The following ISM1 variants were observed in gnomAD, a reference collection of about 807,000 sequenced individuals.
ISM1 encodes isthmin 1.
In ISM1, 25 loss-of-function variants were observed where a neutral mutation model predicts 46.3. That is an observed-to-expected ratio of 0.54 (90% confidence interval 0.39 to 0.75). The LOEUF (loss-of-function observed/expected upper bound fraction) is 0.75. Ranked by LOEUF, ISM1 falls within the 30% of genes least tolerant of loss-of-function variation. ISM1 has a pLI of 0.00. For synonymous variants in ISM1, 255 were observed against 256.7 expected (o/e 0.99, Z 0.06); for missense variants, 536 against 625.4 (o/e 0.86, Z 1.52).
intron 5 of ISM1, 122 bp downstream of exon 5, chr20:13,292,585 C>T: frequency 3.0e-6 from 2 of 667,922 alleles, no homozygotes; most frequent in Non-Finnish European, 5.3e-6. Context: ...GGGTCCAGTG[C>T]TCCCAGCATG....
intron 1 of ISM1, chr20:13,239,676 G>T (rs2039695013): frequency 6.6e-6 from 1 of 152,212 alleles, no homozygotes; most frequent in African/African-American, 2.4e-5. Context: ...GCACTCCATG[G>T]TGAGGCACTC....
At chr20:13,266,614 G>T (rs1360948497) in intron 1 of ISM1, among the ~76,000 whole-genome samples, 2 of 152,132 alleles carry the variant, frequency 1.3e-5, no homozygotes, top group Non-Finnish European at 2.9e-5. Flanking sequence ...GACACATTGT[G>T]GGTAAAGCAA....
chr20:13,241,651 A>G (rs2039725208), intron 1 of ISM1, among the ~76,000 whole-genome samples: 1 of 152,174 alleles, frequency 6.6e-6, no homozygotes, highest in Admixed American at 6.5e-5. Flanking sequence ...GGGCAGGAGC[A>G]CAAGTAGGAC....
intron 1 of ISM1, among the ~76,000 whole-genome samples, chr20:13,263,202 TTG>T (rs1568676139): frequency 6.6e-6 from 1 of 152,212 alleles, no homozygotes; most frequent in Non-Finnish European, 1.5e-5. Context: ...AGGGGAATGA[TTG>T]CCATCATACA....
At chr20:13,280,968 A>G (rs1273934841) in intron 3 of ISM1, among the ~76,000 whole-genome samples, 1 of 152,194 alleles carries the variant, frequency 6.6e-6, no homozygotes, top group Non-Finnish European at 1.5e-5. Flanking sequence ...TATGAAGGGG[A>G]TGACTTGTCT....
Position 13,299,318 on chromosome 20 carries a change from G to A in ISM1, c.1254G>A (p.Val418=). The A allele has an allele frequency of 6.2e-7, 1 of 1,613,860 alleles. No homozygotes were observed. The highest frequency in any genetic ancestry group is 8.5e-7 in the Non-Finnish European group (1 of 1,179,828). The change falls in exon 6 of 6, where the codon GTG becomes GTA. Residue 418 remains valine, a synonymous_variant. Coordinates refer to ENST00000262487, the MANE Select transcript of ISM1 (RefSeq NM_080826.2). The surrounding 1 kb of genome is among the most constrained non-coding windows in gnomAD (Gnocchi z 5.8). ...TEFSAELHYK[V]DVLPWIICKG... ...TCTCCGCGGAGCTCCACTACAAGGTGGACGTCCTGCCCTGGATTATCTGCA... is the reference window on the plus strand; with the variant it reads ...TCTCCGCGGAGCTCCACTACAAGGTAGACGTCCTGCCCTGGATTATCTGCA...
chr20:13,242,633 C>T (rs2039740533), intron 1 of ISM1, among the ~76,000 whole-genome samples: 1 of 152,110 alleles, frequency 6.6e-6, no homozygotes. Context: ...TGGGAATGGT[C>T]CTGCACTTCT....
rs553223033 is a variant in ISM1 at position 13,236,176 on chromosome 20, G to T, written c.138+14262G>T. On this transcript the variant is annotated intron_variant, in intron 1 of 5. Transcript: ENST00000262487. Reference sequence around the variant, plus strand: ...TTAACCTTGTGATCCACCCACCTCGGCCTCCCAAAGTGCTGGGATTACAGT... The same window carrying T: ...TTAACCTTGTGATCCACCCACCTCGTCCTCCCAAAGTGCTGGGATTACAGT... 2.0e-5 allele frequency among the ~76,000 whole-genome samples: 3 copies of T among 152,226 alleles called. No individual in the cohort carries two copies. The South Asian group carries it at 6.2e-4, about 32-fold the overall frequency.
intron 4 of ISM1, among the ~76,000 whole-genome samples, chr20:13,290,734 T>A (rs2040344404): frequency 6.6e-6 from 1 of 152,126 alleles, no homozygotes; most frequent in Non-Finnish European, 1.5e-5. Context: ...TGAAGAAGAT[T>A]TTTTGAGTAC....
intron 1 of ISM1, among the ~76,000 whole-genome samples, chr20:13,265,922 C>T (rs1215786674): frequency 6.6e-6 from 1 of 152,204 alleles, no homozygotes; most frequent in Non-Finnish European, 1.5e-5. Flanking sequence ...CACCATCTGT[C>T]CAGTCAGCCA....
chr20:13,264,967 G>A (rs1444912228), intron 1 of ISM1, among the ~76,000 whole-genome samples: 2 of 152,200 alleles, frequency 1.3e-5, no homozygotes, highest in Admixed American at 6.5e-5. Context: ...CAGAGAAGTG[G>A]TAGCCTAGTG....
intron 1 of ISM1, among the ~76,000 whole-genome samples, chr20:13,268,141 CTTCTCTTCT>C: frequency 6.6e-6 from 1 of 150,522 alleles, no homozygotes; most frequent in African/African-American, 2.5e-5. Flanking sequence ...CTTCTCTTCT[CTTCTCTTCT>C]CTTCCCTTCC....
At chr20:13,296,727 T>A (rs1273310471) in intron 5 of ISM1, among the ~76,000 whole-genome samples, 1 of 152,176 alleles carries the variant, frequency 6.6e-6, no homozygotes, top group East Asian at 1.9e-4. Flanking sequence ...TTGGTTAAGA[T>A]GCATTTTGTC....
chr20:13,283,702 T>C (rs2040261922), intron 3 of ISM1, among the ~76,000 whole-genome samples: 1 of 152,204 alleles, frequency 6.6e-6, no homozygotes, highest in Admixed American at 6.5e-5. Context: ...CAAATAAATA[T>C]GTTTTGGTCT....
At chr20:13,286,829 T>G (rs1334863805) in intron 3 of ISM1, among the ~76,000 whole-genome samples, 1 of 152,228 alleles carries the variant, frequency 6.6e-6, no homozygotes, top group Non-Finnish European at 1.5e-5. Flanking sequence ...TGGGCCTATG[T>G]AATAACAATC....
chr20:13,251,587 G>A lies in ISM1; in HGVS notation c.139-18917G>A, dbSNP rs556396544. On this transcript the variant is annotated intron_variant, in intron 1 of 5. Transcript: ENST00000262487. ...AGGTGCAGGGAGCAAGGGGACCAGC[G>A]TGGTATGTGGGAGGTAGAGATCATA... Among the ~76,000 whole-genome samples the A allele has an allele frequency of 3.9e-5, 6 of 152,314 alleles. No homozygotes were observed. In the South Asian group the frequency reaches 8.3e-4, roughly 21 times the overall value.
At chr20:13,248,296 A>C (rs113184018) in intron 1 of ISM1, among the ~76,000 whole-genome samples, 2,883 of 152,344 alleles carry the variant, frequency 0.019, 39 homozygotes, top group Non-Finnish European at 0.022. Context: ...AGGTGAGTAT[A>C]CAAAAAGCTG....
intron 1 of ISM1, among the ~76,000 whole-genome samples, chr20:13,270,261 A>G (rs1471981033): frequency 1.3e-5 from 2 of 152,234 alleles, no homozygotes; most frequent in African/African-American, 4.8e-5. Flanking sequence ...AGCTTAATAA[A>G]TAGCCCATAA....
the ISM1 span, among the ~76,000 whole-genome samples, chr20:13,321,253 T>TAAAAAAAAAAAAAAAAAAAGAAAAAA: frequency 1.7e-5 from 1 of 57,522 alleles, no homozygotes; most frequent in Non-Finnish European, 3.2e-5. Context: ...GTGCCCCACA[T>TAAAAAAAAAAAAAAAAAAAGAAAAAA]AAAAAAAAAA....
Sources: allele counts gnomAD v4.1 joint callset (sites outside exome capture counted in the v4.1 genomes callset), GRCh38; gene constraint gnomAD v4.1.1; non-coding constraint Gnocchi (gnomAD v3.1); transcripts MANE v1.5; gene names NCBI Gene and HGNC (gene_info 2026-07-23, HGNC 2026-07-21).